Variants in SAFB2 observed in about 807,000 individuals in gnomAD.
The protein encoded by SAFB2 is scaffold attachment factor B2.
In SAFB2, 32 loss-of-function variants were observed where a neutral mutation model predicts 100.6. That is an observed-to-expected ratio of 0.32 (90% CI 0.24 to 0.43). SAFB2 has a LOEUF of 0.43. Ranked by LOEUF, SAFB2 falls within the 20% of genes least tolerant of loss-of-function variation. The pLI is 1.00. For synonymous variants in SAFB2, 500 were observed against 439.4 expected (o/e 1.14, Z -1.72); for missense variants, 1,185 against 1,163.4 (o/e 1.02, Z -0.27).
intron 9 of SAFB2, among the ~76,000 whole-genome samples, chr19:5,608,411 C>T (rs543730499): frequency 4.5e-4 from 69 of 152,338 alleles, no homozygotes; most frequent in South Asian, 1.0e-3. Context: ...GCTTAATCAT[C>T]AGTGTCCGAG....
At position 5,587,059 on chromosome 19, in the gene SAFB2, A is replaced by T. The variant is rs1599214898; in HGVS notation, c.*184T>A. 3 of 793,640 alleles carry T rather than the reference A, an allele frequency of 3.8e-6. No homozygotes were observed. Among genetic ancestry groups the T allele is most frequent in the East Asian group, 2.6e-5 (1 of 38,194 alleles). 49.2% of individuals were successfully genotyped at this position (793,640 alleles called of 1,614,324 possible). ...GCCTCGTTAACAGAAACCTTGATTT[A>T]AAAATGGCAGAACAAGAACACATTT... On this transcript the variant is annotated 3_prime_UTR_variant, in exon 21 of 21. Transcript: ENST00000252542. The surrounding 1 kb of genome is among the most constrained non-coding windows in gnomAD (Gnocchi z 4.9).
At chr19:5,588,034 C>T (rs565925983) in intron 18 of SAFB2, 54 bp from the exon 19 acceptor site, 3 of 1,501,650 alleles carry the variant, frequency 2.0e-6, no homozygotes, top group Non-Finnish European at 2.7e-6. Context: ...AGGGTTGTGT[C>T]GGCAGCAGGC....
intron 2 of SAFB2, among the ~76,000 whole-genome samples, chr19:5,619,818 C>T (rs1480001358): frequency 1.3e-5 from 2 of 150,520 alleles, no homozygotes; most frequent in Non-Finnish European, 2.9e-5. Context: ...GCACTCCAGC[C>T]TGGGCAACAA....
At chr19:5,589,355 G>A (rs974008162) in intron 18 of SAFB2, among the ~76,000 whole-genome samples, 3 of 152,114 alleles carry the variant, frequency 2.0e-5, no homozygotes, top group Non-Finnish European at 2.9e-5. Context: ...GAGAAGCTTC[G>A]GGTGTCCTGG....
intron 13 of SAFB2, among the ~76,000 whole-genome samples, chr19:5,598,033 A>G (rs1231820625): frequency 6.7e-6 from 1 of 150,260 alleles, no homozygotes; most frequent in African/African-American, 2.5e-5. Flanking sequence ...GCTACTCGAG[A>G]GGCTGAGGCA....
At chr19:5,602,470 ACT>A (rs1438935156) in intron 11 of SAFB2, among the ~76,000 whole-genome samples, 3 of 109,586 alleles carry the variant, frequency 2.7e-5, no homozygotes, top group African/African-American at 3.7e-5. Context: ...ACAGAGCGAG[ACT>A]CTGTCTCAAA....
chr19:5,607,184 C>G (rs1006203045), intron 9 of SAFB2, among the ~76,000 whole-genome samples: 2 of 152,134 alleles, frequency 1.3e-5, no homozygotes, highest in Non-Finnish European at 2.9e-5. Context: ...TGGCATGAAC[C>G]CAGGAGGCAG....
intron 2 of SAFB2, among the ~76,000 whole-genome samples, chr19:5,619,673 G>C (rs533906891): frequency 6.6e-6 from 1 of 152,022 alleles, no homozygotes; most frequent in Non-Finnish European, 1.5e-5. Flanking sequence ...GTGAAACCAC[G>C]TTTCTACTAA....
chr19:5,587,203 C>T lies in SAFB2; in HGVS notation c.*40G>A. 1 of 1,599,908 alleles carries T rather than the reference C, an allele frequency of 6.3e-7. No individual in the cohort carries two copies. The highest frequency in any genetic ancestry group is 8.6e-7 in the Non-Finnish European group (1 of 1,169,502). On this transcript the variant is annotated 3_prime_UTR_variant, in exon 21 of 21. Transcript: ENST00000252542. The surrounding 1 kb of genome is among the most constrained non-coding windows in gnomAD (Gnocchi z 4.9). ...AGGGAACCCTGGCTACCAGATTCAACAGTGCGTCTGCCCACCCGAAAACTC... is the reference window on the plus strand; with the variant it reads ...AGGGAACCCTGGCTACCAGATTCAATAGTGCGTCTGCCCACCCGAAAACTC...
At position 5,611,419 on chromosome 19, in the gene SAFB2, C is replaced by T. The variant is rs1199658728; in HGVS notation, c.846G>A (p.Ser282=). Residue 282 remains serine (S), a synonymous_variant, in exon 7 of 21, where the codon TCG becomes TCA. Transcript: ENST00000252542. Reference sequence around the variant, plus strand: ...CCGCTAACAGGCTGTCTGCCTTGCTCGACTGAGCGTGTGCTGTTGACTCGC... The same window carrying T: ...CCGCTAACAGGCTGTCTGCCTTGCTTGACTGAGCGTGTGCTGTTGACTCGC... ...LASESTAHAQ[S]SKADSLLAVV... 2.8e-6 allele frequency: 1 copy of T among 362,416 alleles called. No homozygotes were observed. The highest frequency in any genetic ancestry group is 4.6e-6 in the Non-Finnish European group (1 of 216,648). The allele number at this position is 362,416 out of a possible 1,614,324, so 22.5% of individuals were successfully genotyped here. A position where few individuals can be genotyped will look rare whatever the true frequency, so the allele number is the denominator to read the frequency against.
At chr19:5,614,291 G>A (rs2052976245) in intron 4 of SAFB2, among the ~76,000 whole-genome samples, 1 of 152,112 alleles carries the variant, frequency 6.6e-6, no homozygotes, top group Admixed American at 6.6e-5. Flanking sequence ...ATCTAACTTG[G>A]TCAATTTCTC....
At chr19:5,601,733 A>AATAG (rs2145334365) in intron 11 of SAFB2, among the ~76,000 whole-genome samples, 1 of 151,698 alleles carries the variant, frequency 6.6e-6, no homozygotes, top group African/African-American at 2.4e-5. Flanking sequence ...TAAATAAATA[A>AATAG]ATAAATAAAT....
intron 11 of SAFB2, among the ~76,000 whole-genome samples, chr19:5,601,360 G>T (rs771720971): frequency 6.6e-6 from 1 of 152,098 alleles, no homozygotes; most frequent in African/African-American, 2.4e-5. Flanking sequence ...GGAGTGACAC[G>T]AACGAGGCCA....
At chr19:5,593,706 G>A (rs2052466558) in intron 15 of SAFB2, 185 bp downstream of exon 15, 1 of 595,068 alleles carries the variant, frequency 1.7e-6, no homozygotes, top group South Asian at 2.9e-5. Context: ...CTCCGGTGAG[G>A]ACAGCGAACT....
intron 17 of SAFB2, 183 bp downstream of exon 17, chr19:5,591,565 A>C: frequency 1.7e-6 from 1 of 586,080 alleles, no homozygotes; most frequent in South Asian, 2.1e-5. Context: ...GGCATGAGCC[A>C]CCACGTCCGA....
chr19:5,622,512 AG>A lies in SAFB2; in HGVS notation c.186+17del. On this transcript the variant is annotated intron_variant, in intron 1 of 20. Transcript: ENST00000252542. ...GCCCGGGCCTCCTGCGCCACCCCCG[AG>A]CCCCGCGCCGCCTCACCTTCTTGAG... 1 of 1,581,492 alleles carries A rather than the reference AG, an allele frequency of 6.3e-7. No homozygotes were observed. Among genetic ancestry groups the A allele is most frequent in the Non-Finnish European group, 8.6e-7 (1 of 1,165,594 alleles).
intron 11 of SAFB2, among the ~76,000 whole-genome samples, chr19:5,602,107 A>AG (rs2052670862): frequency 6.6e-6 from 1 of 152,188 alleles, no homozygotes; most frequent in Non-Finnish European, 1.5e-5. Context: ...GTTAATTTGA[A>AG]GAAAAAAATA....
At chr19:5,612,663 A>G in intron 5 of SAFB2, 96 bp from the exon 6 acceptor site, 2 of 950,994 alleles carry the variant, frequency 2.1e-6, no homozygotes, top group Non-Finnish European at 1.7e-6. Flanking sequence ...CTGTGAATAA[A>G]TGCCTGTTTC....
intron 5 of SAFB2, among the ~76,000 whole-genome samples, chr19:5,612,834 A>G (rs888623068): frequency 6.6e-6 from 1 of 152,136 alleles, no homozygotes; most frequent in Non-Finnish European, 1.5e-5. Context: ...CACCCACCCC[A>G]TGACCAAGCT....
Sources: gnomAD v4.1 joint callset for allele counts (sites outside exome capture counted in the v4.1 genomes callset) on GRCh38, gnomAD v4.1.1 for gene constraint, Gnocchi (gnomAD v3.1) non-coding constraint, MANE v1.5 for transcripts, NCBI Gene and HGNC (gene_info 2026-07-23, HGNC 2026-07-21) for gene names.